The following TMEM132D variants were observed in gnomAD, a reference collection of about 807,000 sequenced individuals.
TMEM132D encodes transmembrane protein 132D, also known as mature OL transmembrane protein.
TMEM132D carries 21 observed loss-of-function variants against 62.3 expected under a neutral mutation model. That is an observed-to-expected ratio of 0.34 (90% CI 0.24 to 0.49). The LOEUF is 0.49. TMEM132D is among the 20% of genes least tolerant of loss of function. The pLI is 0.99. For synonymous variants in TMEM132D, 621 were observed against 575.6 expected (o/e 1.08, Z -1.13); for missense variants, 1,346 against 1,402.8 (o/e 0.96, Z 0.65).
At chr12:129,226,358 C>T (rs1025161302) in intron 4 of TMEM132D, among the ~76,000 whole-genome samples, 1 of 152,234 alleles carries the variant, frequency 6.6e-6, no homozygotes, top group Non-Finnish European at 1.5e-5. Context: ...CTCATGCACA[C>T]CTACCTATGC....
intron 3 of TMEM132D, among the ~76,000 whole-genome samples, chr12:129,427,103 T>C (rs1052469689): frequency 1.3e-5 from 2 of 152,212 alleles, no homozygotes; most frequent in Non-Finnish European, 2.9e-5. Context: ...ATGATCCTTG[T>C]CTTGTCAGTG....
rs899726625 is a variant in TMEM132D at position 129,234,352 on chromosome 12, C to T, written c.1300-24689G>A. Among the ~76,000 whole-genome samples, 11 of 152,188 alleles carry T rather than the reference C, an allele frequency of 7.2e-5. No individual in the cohort carries two copies. In the South Asian group the frequency reaches 1.0e-3, roughly 14 times the overall value. ...CTTGTAATAAAATTCTTAGAATTGACGTGCAAGTAAAGGATTCCAATCCTG... is the reference window on the plus strand; with the variant it reads ...CTTGTAATAAAATTCTTAGAATTGATGTGCAAGTAAAGGATTCCAATCCTG... On this transcript the variant is annotated intron_variant, in intron 4 of 8. Transcript: ENST00000422113.
At chr12:129,692,301 T>G (rs1042438648) in intron 2 of TMEM132D, among the ~76,000 whole-genome samples, 1 of 152,196 alleles carries the variant, frequency 6.6e-6, no homozygotes, top group Non-Finnish European at 1.5e-5. Context: ...TCAGGATAAT[T>G]CATTCACTGC....
rs754802277 is a variant in TMEM132D, at chr12:129,074,261, C to G, written c.2914G>C (p.Glu972Gln). ...HDWVGLSNRT[E>Q]LLENHINFAS... ...AAGTTGATGTGATTCTCCAACAGCT[C>G]TGTCCGGTTGCTTAACCCAACCCAG... is the stretch of plus-strand genomic sequence containing the variant. Residue 972 changes from glutamate (E) to glutamine (Q), a missense_variant, in exon 9 of 9, where the codon GAG becomes CAG. By Grantham distance (29) the Glu-to-Gln change is conservative. Transcript: ENST00000422113. The G allele has an allele frequency of 3.7e-6, 6 of 1,614,120 alleles. No individual in the cohort carries two copies. The highest frequency in any genetic ancestry group is 4.2e-6 in the Non-Finnish European group (5 of 1,180,022).
intron 1 of TMEM132D, among the ~76,000 whole-genome samples, chr12:129,770,673 C>T (rs1870714943): frequency 6.6e-6 from 1 of 152,154 alleles, no homozygotes; most frequent in Admixed American, 6.5e-5. Context: ...TACGGAACAT[C>T]ACAGCTCAGC....
intron 5 of TMEM132D, among the ~76,000 whole-genome samples, chr12:129,103,470 AGCCCCATCCAGACACACAGG>A (rs931674194): frequency 2.0e-5 from 3 of 151,474 alleles, no homozygotes; most frequent in Non-Finnish European, 3.0e-5. Context: ...CCTTGGAGGG[AGCCCCATCCAGACACACAGG>A]GCATCCATAA....
intron 3 of TMEM132D, among the ~76,000 whole-genome samples, chr12:129,426,691 T>A (rs1872511806): frequency 6.6e-6 from 1 of 152,184 alleles, no homozygotes; most frequent in African/African-American, 2.4e-5. Context: ...ATGTGCTTAC[T>A]CTAAGCCAAA....
intron 4 of TMEM132D, among the ~76,000 whole-genome samples, chr12:129,260,766 T>G (rs191520545): frequency 6.6e-6 from 1 of 152,116 alleles, no homozygotes; most frequent in African/African-American, 2.4e-5. Context: ...ACATATGATA[T>G]TTGGTTTTCC....
At chr12:129,623,838 A>G (rs565995445) in intron 2 of TMEM132D, among the ~76,000 whole-genome samples, 15 of 151,938 alleles carry the variant, frequency 9.9e-5, no homozygotes, top group African/African-American at 3.6e-4. Context: ...AGTTGATTCC[A>G]TATCTTGGCA....
chr12:129,451,760 G>A (rs899721479), intron 3 of TMEM132D, among the ~76,000 whole-genome samples: 6 of 152,202 alleles, frequency 3.9e-5, no homozygotes, highest in African/African-American at 1.2e-4. Context: ...ACCCAGGCAG[G>A]AGGAAAGGGC....
chr12:129,661,347 T>G (rs1246323099), intron 2 of TMEM132D, among the ~76,000 whole-genome samples: 1 of 152,100 alleles, frequency 6.6e-6, no homozygotes, highest in African/African-American at 2.4e-5. Context: ...GCTTCTGGAG[T>G]TAACAACAAA....
Position 129,893,533 on chromosome 12 carries a change from G to T in TMEM132D, c.79+9728C>A, listed in dbSNP as rs142827719. ...CTTTCAAAAGACAGACATCTCTGTA[G>T]TTAAAAGAAGTCATCGCTTTTCCAA... is the stretch of plus-strand genomic sequence containing the variant. On this transcript the variant is annotated intron_variant, in intron 1 of 8. Coordinates refer to ENST00000422113, the MANE Select transcript of TMEM132D (RefSeq NM_133448.3). Among the ~76,000 whole-genome samples, 824 of 152,054 alleles carry T rather than the reference G, an allele frequency of 5.4e-3. 7 individuals are homozygous for T. Among genetic ancestry groups the T allele is most frequent in the Non-Finnish European group, 5.5e-3 (371 of 68,010 alleles).
At chr12:129,788,738 G>A (rs975659495) in intron 1 of TMEM132D, among the ~76,000 whole-genome samples, 2 of 152,140 alleles carry the variant, frequency 1.3e-5, no homozygotes, top group Admixed American at 6.5e-5. Flanking sequence ...GACTTACCAA[G>A]GAACAAGACA....
chr12:129,168,948 C>A (rs769955727), intron 5 of TMEM132D, among the ~76,000 whole-genome samples: 36 of 152,184 alleles, frequency 2.4e-4, no homozygotes, highest in Admixed American at 1.2e-3. Flanking sequence ...AGTTAGCTAG[C>A]GGCCGATAGA....
intron 1 of TMEM132D, among the ~76,000 whole-genome samples, chr12:129,764,353 A>G (rs1358053157): frequency 6.6e-6 from 1 of 152,196 alleles, no homozygotes; most frequent in Non-Finnish European, 1.5e-5. Context: ...TCAAATGACA[A>G]TATTATAGTA....
intron 3 of TMEM132D, among the ~76,000 whole-genome samples, chr12:129,388,313 A>C (rs77132620): frequency 1.4e-4 from 16 of 111,542 alleles, no homozygotes; most frequent in African/African-American, 4.4e-4. Flanking sequence ...CACTAACATG[A>C]ATCCTAATAT....
chr12:129,078,734 C>A lies in TMEM132D; in HGVS notation c.1924-9G>T, dbSNP rs1450801369. ...GACAGAGGAGACAGGATCTGGAGGG[C>A]AGAAGCGACATGACAAGGAAAGGCT... On this transcript the variant is annotated splice_polypyrimidine_tract_variant and intron_variant, in intron 7 of 8. Transcript: ENST00000422113. 6.2e-7 allele frequency: 1 copy of A among 1,609,978 alleles called. No homozygotes were observed. Among genetic ancestry groups the A allele is most frequent in the Non-Finnish European group, 8.5e-7 (1 of 1,176,532 alleles).
At chr12:129,674,541 CTGTT>C (rs1337202273) in intron 2 of TMEM132D, among the ~76,000 whole-genome samples, 6 of 151,984 alleles carry the variant, frequency 3.9e-5, no homozygotes, top group East Asian at 1.9e-4. Context: ...TTTATGTTTT[CTGTT>C]TGTTTGTTTT....
At chr12:129,252,744 A>G (rs1055931159) in intron 4 of TMEM132D, among the ~76,000 whole-genome samples, 14 of 152,158 alleles carry the variant, frequency 9.2e-5, no homozygotes, top group Non-Finnish European at 1.8e-4. Flanking sequence ...ATGCACACGT[A>G]TGTTTATAGC....
Sources: gnomAD v4.1 joint callset for allele counts (sites outside exome capture counted in the v4.1 genomes callset) on GRCh38, gnomAD v4.1.1 for gene constraint, MANE v1.5 for transcripts, NCBI Gene and HGNC (gene_info 2026-07-23, HGNC 2026-07-21) for gene names.